The following SHC3 variants were observed in gnomAD, a reference collection of about 807,000 sequenced individuals.
The protein encoded by SHC3 is SHC adaptor protein 3, also known as SHC-transforming protein 3.
Under a neutral mutation model 60.4 loss-of-function variants are expected in SHC3, and 15 were observed. That is an observed-to-expected ratio of 0.25 (90% CI 0.17 to 0.38). SHC3 has a LOEUF of 0.38. Ranked by LOEUF, SHC3 falls within the 10% of genes least tolerant of loss-of-function variation. The pLI, the probability that SHC3 is intolerant of heterozygous loss-of-function variation, is 1.00. For missense variants in SHC3, 677 were observed against 786.1 expected, an observed-to-expected ratio of 0.86 and a Z score of 1.66; for synonymous variants, 294 against 325.9, an observed-to-expected ratio of 0.90 and a Z score of 1.05.
At chr9:89,033,415 C>T (rs1425035804) in intron 11 of SHC3, among the ~76,000 whole-genome samples, 1 of 151,916 alleles carries the variant, frequency 6.6e-6, no homozygotes, top group Non-Finnish European at 1.5e-5. Context: ...TATCTTCTCC[C>T]CTATTTTCTT....
intron 4 of SHC3, among the ~76,000 whole-genome samples, chr9:89,073,678 T>C (rs1825310975): frequency 6.6e-6 from 1 of 152,218 alleles, no homozygotes; most frequent in South Asian, 2.1e-4. Context: ...TCGGCTGCCA[T>C]GTTCCAGGAC....
intron 2 of SHC3, among the ~76,000 whole-genome samples, chr9:89,082,599 G>C (rs1428885052): frequency 1.3e-5 from 2 of 152,158 alleles, no homozygotes; most frequent in African/African-American, 2.4e-5. Flanking sequence ...AGGCCACTAA[G>C]GACTTGCTCT....
rs1826012395 is a variant in SHC3 at position 89,011,430 on chromosome 9, T to A, written c.*2017A>T. ...ATTTTGACCTTTCACAAGTGGGGAA[T>A]GCATGAATGTAGAAAGAAGGTCATT... On this transcript the variant is annotated 3_prime_UTR_variant, in exon 12 of 12. Transcript: ENST00000375835. The A allele has an allele frequency of 6.6e-6, 1 of 152,234 alleles. No homozygotes were observed. The highest frequency in any genetic ancestry group is 1.5e-5 in the Non-Finnish European group (1 of 68,038). 9.4% of individuals were successfully genotyped at this position (152,234 alleles called of 1,614,324 possible). A position where few individuals can be genotyped will look rare whatever the true frequency, so the allele number is the denominator to read the frequency against.
intron 6 of SHC3, among the ~76,000 whole-genome samples, chr9:89,058,220 GA>G (rs1485002048): frequency 1.3e-5 from 2 of 152,234 alleles, no homozygotes; most frequent in Non-Finnish European, 2.9e-5. Context: ...GGTGGTGGAG[GA>G]CATGGTGGAG....
intron 11 of SHC3, among the ~76,000 whole-genome samples, chr9:89,035,780 A>T (rs1226369440): frequency 6.6e-6 from 1 of 150,562 alleles, no homozygotes; most frequent in Non-Finnish European, 1.5e-5. Context: ...AATATGGAGA[A>T]AACCTGTCTC....
intron 1 of SHC3, among the ~76,000 whole-genome samples, chr9:89,166,794 C>T (rs1402242703): frequency 2.0e-5 from 3 of 152,054 alleles, no homozygotes; most frequent in East Asian, 1.9e-4. Flanking sequence ...GCTGATTTAG[C>T]GGGGAACAGA....
At chr9:89,064,232 G>A (rs1419116288) in intron 6 of SHC3, among the ~76,000 whole-genome samples, 1 of 152,160 alleles carries the variant, frequency 6.6e-6, no homozygotes, top group African/African-American at 2.4e-5. Context: ...AAATTTGGGG[G>A]TGACGTGAAT....
chr9:89,177,958 C>T, intron 1 of SHC3, 29 bp downstream of exon 1: 1 of 1,204,466 alleles, frequency 8.3e-7, no homozygotes, highest in Non-Finnish European at 1.0e-6. Context: ...GAACCCCCAG[C>T]CCCCAGGGCG....
intron 7 of SHC3, among the ~76,000 whole-genome samples, chr9:89,048,237 C>A: frequency 1.5e-5 from 1 of 68,376 alleles, no homozygotes. Flanking sequence ...GAGTAAGACT[C>A]CATTAAAAAA....
intron 1 of SHC3, among the ~76,000 whole-genome samples, chr9:89,135,620 T>C (rs1434442190): frequency 1.3e-5 from 2 of 152,190 alleles, no homozygotes; most frequent in Non-Finnish European, 2.9e-5. Flanking sequence ...GAAAAAATTA[T>C]GTTTCAAGTA....
intron 11 of SHC3, among the ~76,000 whole-genome samples, chr9:89,033,109 G>C (rs550651467): frequency 5.6e-4 from 85 of 151,258 alleles, no homozygotes; most frequent in African/African-American, 2.0e-3. Context: ...AAAATTGTAT[G>C]GTAAACACAG....
At chr9:89,042,307 T>C in intron 9 of SHC3, 123 bp from the exon 10 acceptor site, 1 of 1,074,924 alleles carries the variant, frequency 9.3e-7, no homozygotes, top group South Asian at 1.9e-5. Flanking sequence ...TTCCTATGGG[T>C]GATATTCTCC....
At chr9:89,033,469 T>C (rs919930998) in intron 11 of SHC3, among the ~76,000 whole-genome samples, 2 of 152,198 alleles carry the variant, frequency 1.3e-5, no homozygotes, top group Non-Finnish European at 1.5e-5. Flanking sequence ...GGAAGAAGTA[T>C]GAGCTGATTC....
intron 11 of SHC3, among the ~76,000 whole-genome samples, chr9:89,028,714 CTA>C (rs1169545470): frequency 7.0e-6 from 1 of 142,162 alleles, no homozygotes; most frequent in African/African-American, 2.6e-5. Flanking sequence ...CTATATATAT[CTA>C]TATAGAGAAT....
At chr9:89,140,067 C>A (rs1826370967) in intron 1 of SHC3, among the ~76,000 whole-genome samples, 1 of 152,166 alleles carries the variant, frequency 6.6e-6, no homozygotes, top group African/African-American at 2.4e-5. Context: ...GTACTAAAGT[C>A]ACATGAACTA....
chr9:89,158,773 T>C (rs1826663682), intron 1 of SHC3, among the ~76,000 whole-genome samples: 2 of 152,244 alleles, frequency 1.3e-5, no homozygotes, highest in South Asian at 4.1e-4. Context: ...AAAAATCTTT[T>C]CAAATCAACT....
At chr9:89,107,263 T>C (rs557563257) in intron 2 of SHC3, among the ~76,000 whole-genome samples, 4 of 152,288 alleles carry the variant, frequency 2.6e-5, no homozygotes, top group South Asian at 2.1e-4. Flanking sequence ...CCCTCTTCCA[T>C]GTTTCTGGGG....
chr9:89,121,207 C>A (rs1017920366), intron 1 of SHC3, among the ~76,000 whole-genome samples: 1 of 152,090 alleles, frequency 6.6e-6, no homozygotes, highest in Non-Finnish European at 1.5e-5. Context: ...TGTGATGTGT[C>A]ATTACCACAT....
At chr9:89,071,081 A>C in intron 5 of SHC3, 118 bp downstream of exon 5, 1 of 838,924 alleles carries the variant, frequency 1.2e-6, no homozygotes, top group Non-Finnish European at 1.8e-6. Context: ...GGAGGGGGAA[A>C]TTAGTTGCCA....
Sources: allele counts gnomAD v4.1 joint callset (sites outside exome capture counted in the v4.1 genomes callset), GRCh38; gene constraint gnomAD v4.1.1; transcripts MANE v1.5; gene names NCBI Gene and HGNC (gene_info 2026-07-23, HGNC 2026-07-21).